The following ZC3H12C variants were observed in gnomAD, a reference collection of about 807,000 sequenced individuals.
ZC3H12C encodes probable ribonuclease ZC3H12C.
In ZC3H12C, 20 loss-of-function variants were observed where a neutral mutation model predicts 76.3. The ratio of observed to expected loss-of-function variants is 0.26; its 90% CI spans 0.18 to 0.38. ZC3H12C has a LOEUF of 0.38. Ranked by LOEUF, ZC3H12C falls within the 10% of genes least tolerant of loss-of-function variation. ZC3H12C has a pLI of 1.00. For missense variants in ZC3H12C, 874 were observed against 1,086.5 expected (o/e 0.80, Z 2.75); for synonymous variants, 352 against 399.6 (o/e 0.88, Z 1.42).
rs546248858 is a variant in ZC3H12C at position 110,131,221 on chromosome 11, A to C, written c.22-5442A>C. The C allele has an allele frequency of 4.8e-6, 4 of 835,218 alleles. No individual in the cohort carries two copies. In the South Asian group the frequency reaches 6.0e-5, roughly 13 times the overall value. The allele number at this position is 835,218 out of a possible 1,614,324, so 51.7% of individuals were successfully genotyped here. On this transcript the variant is annotated intron_variant, in intron 1 of 5. Coordinates refer to ENST00000278590, the MANE Select transcript of ZC3H12C (RefSeq NM_033390.2). The stretch of plus-strand genomic sequence containing the variant: ...CCAATGAAAGTCTACAAATTATTAC[A>C]TAGTGCCAACATACCAGAAAATTAA...
intron 1 of ZC3H12C, among the ~76,000 whole-genome samples, chr11:110,114,111 G>C (rs528043978): frequency 1.3e-5 from 2 of 152,192 alleles, no homozygotes; most frequent in African/African-American, 2.4e-5. Context: ...CTGACTAGCC[G>C]CTTCTCCGGG....
At position 110,165,674 on chromosome 11, in the gene ZC3H12C, C is replaced by A; in HGVS notation, c.2589C>A (p.His863Gln). ...GAATTGTCATGAAAAGGAATCCTCA[C>A]ATGACAGACGCCCAGCAGCTCGCCG... Reference protein sequence around the residue: ...LVRIVMKRNPHMTDAQQLAAA... With the variant: ...LVRIVMKRNPQMTDAQQLAAA... Residue 863 changes from histidine (H) to glutamine (Q), a missense_variant, in exon 6 of 6, where the codon CAC becomes CAA. Coordinates refer to ENST00000278590, the MANE Select transcript of ZC3H12C (RefSeq NM_033390.2). The A allele has an allele frequency of 6.3e-7, 1 of 1,597,878 alleles. No individual in the cohort carries two copies. Among genetic ancestry groups the A allele is most frequent in the Non-Finnish European group, 8.5e-7 (1 of 1,171,690 alleles).
chr11:110,155,143 G>A (rs987460444), intron 3 of ZC3H12C, among the ~76,000 whole-genome samples: 2 of 151,976 alleles, frequency 1.3e-5, no homozygotes, highest in African/African-American at 4.8e-5. Flanking sequence ...CAAAAAATTA[G>A]CTGGGCCTGG....
chr11:110,125,532 G>A (rs1424578773), intron 1 of ZC3H12C, among the ~76,000 whole-genome samples: 1 of 152,118 alleles, frequency 6.6e-6, no homozygotes, highest in African/African-American at 2.4e-5. Flanking sequence ...TGGCCAGGCT[G>A]ATGTTGAACT....
rs1289571617 is a variant in ZC3H12C at position 110,170,953 on chromosome 11, T to C, written c.*5216T>C. On this transcript the variant is annotated 3_prime_UTR_variant, in exon 6 of 6. Transcript: ENST00000278590. ...ATGTATTAGAAGTGGCTTTTCCCCC[T>C]AAGATCCTTAGTCTTTTAAAGACAA... 2 of 152,222 alleles carry C rather than the reference T, an allele frequency of 1.3e-5. No homozygotes were observed. The highest frequency in any genetic ancestry group is 2.9e-5 in the Non-Finnish European group (2 of 68,022). 9.4% of individuals were successfully genotyped at this position (152,222 alleles called of 1,614,324 possible). A position where few individuals can be genotyped will look rare whatever the true frequency, so the allele number is the denominator to read the frequency against.
At chr11:110,121,519 G>A (rs1861650211) in intron 1 of ZC3H12C, among the ~76,000 whole-genome samples, 1 of 152,096 alleles carries the variant, frequency 6.6e-6, no homozygotes, top group East Asian at 1.9e-4. Context: ...ATCACCTTTT[G>A]ATATGTATAG....
Position 110,166,921 on chromosome 11 carries a change from GTTATA to G in ZC3H12C, c.*1189_*1193del, listed in dbSNP as rs1175953339. On this transcript the variant is annotated 3_prime_UTR_variant, in exon 6 of 6. Coordinates refer to ENST00000278590, the MANE Select transcript of ZC3H12C (RefSeq NM_033390.2). ...GAAGGTAGTTTTCTTGGGGGGGCCT[GTTATA>G]TTATTAAGGCCAGACTCTTGCCACA... The G allele has an allele frequency of 6.6e-6, 1 of 152,098 alleles. No homozygotes were observed. The highest frequency in any genetic ancestry group is 1.9e-4 in the East Asian group (1 of 5,194). 9.4% of individuals were successfully genotyped at this position (152,098 alleles called of 1,614,324 possible).
chr11:110,100,699 CAAGCAGTGT>C (rs1369751545), intron 1 of ZC3H12C, among the ~76,000 whole-genome samples: 1 of 152,164 alleles, frequency 6.6e-6, no homozygotes, highest in African/African-American at 2.4e-5. Flanking sequence ...GGTAAACAAT[CAAGCAGTGT>C]TGTGTGTGTT....
chr11:110,130,088 TGTTG>T (rs1238094464), intron 1 of ZC3H12C, among the ~76,000 whole-genome samples: 6 of 152,322 alleles, frequency 3.9e-5, no homozygotes, highest in Middle Eastern at 3.4e-3. Flanking sequence ...TAAACAGTTA[TGTTG>T]TATATTAAAA....
In ZC3H12C at chr11:110,102,689, G is replaced by A. The variant is rs138927442; in HGVS notation, c.21+9257G>A. Among the ~76,000 whole-genome samples, 205 of 152,286 alleles carry A rather than the reference G, an allele frequency of 1.3e-3. 1 individual carries two copies. Among genetic ancestry groups the A allele is most frequent in the African/African-American group, 4.3e-3 (178 of 41,552 alleles). On this transcript the variant is annotated intron_variant, in intron 1 of 5. Transcript: ENST00000278590. ...TGTGGGTAAAATGCTATCAAACAGC[G>A]TTGCATGCTACAGAGAAATCTTTCA...
In ZC3H12C at chr11:110,170,106, T is replaced by C. The variant is rs1172498320; in HGVS notation, c.*4369T>C. The C allele has an allele frequency of 2.0e-5, 3 of 152,216 alleles. No homozygotes were observed. Among genetic ancestry groups the C allele is most frequent in the African/African-American group, 7.2e-5 (3 of 41,464 alleles). The allele number at this position is 152,216 out of a possible 1,614,324, so 9.4% of individuals were successfully genotyped here. A position where few individuals can be genotyped will look rare whatever the true frequency, so the allele number is the denominator to read the frequency against. ...TTTTTGATGTCCTTCAAAAGAGGATTGTTAGACATTGATGTTAAAGCATCT... is the reference window on the plus strand; with the variant it reads ...TTTTTGATGTCCTTCAAAAGAGGATCGTTAGACATTGATGTTAAAGCATCT... On this transcript the variant is annotated 3_prime_UTR_variant, in exon 6 of 6. Coordinates refer to ENST00000278590, the MANE Select transcript of ZC3H12C (RefSeq NM_033390.2).
chr11:110,164,844 A>T lies in ZC3H12C; in HGVS notation c.1759A>T (p.Ile587Phe). The T allele has an allele frequency of 6.2e-7, 1 of 1,614,046 alleles. No homozygotes were observed. The highest frequency in any genetic ancestry group is 8.5e-7 in the Non-Finnish European group (1 of 1,179,896). The change falls in exon 6 of 6, where the codon ATC (isoleucine) becomes TTC (phenylalanine). Residue 587 changes from isoleucine to phenylalanine, a missense_variant. This residue lies in a region of ZC3H12C where 395 missense variants were observed against 434.4 expected (regional missense o/e 0.91). Transcript: ENST00000278590. The surrounding 1 kb of genome is among the most constrained non-coding windows in gnomAD (Gnocchi z 5.7). Reference protein sequence around the residue: ...QYPKCDSPVDIGYYSMLNAYS... With the variant: ...QYPKCDSPVDFGYYSMLNAYS... ...TCCAAAATGTGACTCACCTGTCGACATCGGATATTATTCCATGTTGAATGC... is the reference window on the plus strand; with the variant it reads ...TCCAAAATGTGACTCACCTGTCGACTTCGGATATTATTCCATGTTGAATGC...
chr11:110,141,713 T>C (rs1203247127), intron 2 of ZC3H12C, among the ~76,000 whole-genome samples: 1 of 152,222 alleles, frequency 6.6e-6, no homozygotes, highest in Non-Finnish European at 1.5e-5. Flanking sequence ...GCATGAAATG[T>C]GTCTAGCCCA....
chr11:110,131,244 TAA>T (rs1861860521), intron 1 of ZC3H12C: 2 of 720,460 alleles, frequency 2.8e-6, no homozygotes, highest in Non-Finnish European at 4.6e-6. Context: ...ACCAGAAAAT[TAA>T]GTTATTTTTG....
intron 1 of ZC3H12C, among the ~76,000 whole-genome samples, chr11:110,114,461 A>T (rs1861489026): frequency 6.6e-6 from 1 of 152,246 alleles, no homozygotes; most frequent in African/African-American, 2.4e-5. Context: ...TCTTAAGAAT[A>T]GCAACTTGTA....
intron 1 of ZC3H12C, among the ~76,000 whole-genome samples, chr11:110,108,291 C>T (rs1038427665): frequency 1.3e-5 from 2 of 152,188 alleles, no homozygotes; most frequent in Non-Finnish European, 2.9e-5. Context: ...TTCATGCCCT[C>T]TTTACCTGGC....
chr11:110,130,555 C>A (rs1293654741), intron 1 of ZC3H12C, among the ~76,000 whole-genome samples: 1 of 152,172 alleles, frequency 6.6e-6, no homozygotes, highest in Admixed American at 6.5e-5. Flanking sequence ...ACTTCATTTT[C>A]TTTAATAAAA....
chr11:110,137,042 A>T lies in ZC3H12C; in HGVS notation c.401A>T (p.Asn134Ile). The T allele has an allele frequency of 6.2e-7, 1 of 1,613,878 alleles. No homozygotes were observed. The highest frequency in any genetic ancestry group is 8.5e-7 in the Non-Finnish European group (1 of 1,179,856). ...PCLEPHILKRNEILQDFKPEE... is the reference protein window; with the variant it reads ...PCLEPHILKRIEILQDFKPEE... Reference sequence around the variant, plus strand: ...TTAGAGCCTCACATACTCAAGCGCAATGAAATTTTGCAAGACTTTAAACCT... The same window carrying T: ...TTAGAGCCTCACATACTCAAGCGCATTGAAATTTTGCAAGACTTTAAACCT... The change falls in exon 2 of 6, where the codon AAT becomes ATT. Residue 134 changes from asparagine to isoleucine, a missense_variant. By Grantham distance (149) the Asn-to-Ile change is moderately radical (BLOSUM62 -3). This residue lies in a region of ZC3H12C where 210 missense variants were observed against 227.1 expected (regional missense o/e 0.92). Coordinates refer to ENST00000278590, the MANE Select transcript of ZC3H12C (RefSeq NM_033390.2).
At chr11:110,156,855 C>G (rs532072133) in intron 3 of ZC3H12C, among the ~76,000 whole-genome samples, 1 of 152,168 alleles carries the variant, frequency 6.6e-6, no homozygotes, top group African/African-American at 2.4e-5. Context: ...GGGGCACTTG[C>G]TTTTGCATTG....
Sources: gnomAD v4.1 joint callset for allele counts (sites outside exome capture counted in the v4.1 genomes callset) on GRCh38, gnomAD v4.1.1 for gene constraint, gnomAD v4.1.1 regional missense constraint, Gnocchi (gnomAD v3.1) non-coding constraint, MANE v1.5 for transcripts, NCBI Gene and HGNC (gene_info 2026-07-23, HGNC 2026-07-21) for gene names.